Variants in KANK2 observed in about 807,000 individuals in gnomAD.
KANK2 encodes the protein KN motif and ankyrin repeat domains 2, also known as KN motif and ankyrin repeat domain-containing protein 2.
A neutral mutation model predicts 74.6 loss-of-function variants in KANK2; 41 were observed. That is an observed-to-expected ratio of 0.55 (90% CI 0.43 to 0.71). The LOEUF is 0.71. Ranked by LOEUF, KANK2 falls within the 30% of genes least tolerant of loss-of-function variation. KANK2 has a pLI of 0.00. For synonymous variants in KANK2, 537 were observed against 519.0 expected (o/e 1.03, Z -0.47); for missense variants, 1,148 against 1,196.4 (o/e 0.96, Z 0.60).
At chr19:11,192,794 C>CT (rs58206854) in intron 4 of KANK2, 37 bp downstream of exon 4, 1 of 1,593,678 alleles carries the variant, frequency 6.3e-7, no homozygotes, top group East Asian at 2.3e-5. Flanking sequence ...CCCCCCCCCC[C>CT]CAAGCCATTC....
At chr19:11,173,400 C>G (rs79911079) in intron 9 of KANK2, among the ~76,000 whole-genome samples, 1 of 152,276 alleles carries the variant, frequency 6.6e-6, no homozygotes, top group Non-Finnish European at 1.5e-5. Flanking sequence ...AATTTTGGAA[C>G]AGCCATTTAC....
rs74179970 is a variant in KANK2 at position 11,176,325 on chromosome 19, G to A, written c.1760+253C>T. 0.071 allele frequency among the ~76,000 whole-genome samples: 10,853 copies of A among 152,282 alleles called. 455 individuals are homozygous for A. The highest frequency in any genetic ancestry group is 0.092 in the Admixed American group (1,404 of 15,292). The stretch of plus-strand genomic sequence containing the variant: ...GTAGAGGAAACGTCCCAAAGTAGGT[G>A]GGTGATTTTGGGATAAACTTTGGCT... On this transcript the variant is annotated intron_variant, in intron 7 of 12. Transcript: ENST00000586659.
intron 4 of KANK2, 50 bp downstream of exon 4, chr19:11,192,781 A>AGG: frequency 2.0e-6 from 3 of 1,521,954 alleles, no homozygotes; most frequent in Non-Finnish European, 2.7e-6. Flanking sequence ...GGGAAGAAAG[A>AGG]GGCCCCCCCC....
chr19:11,191,568 G>A (rs1383256307), intron 4 of KANK2, among the ~76,000 whole-genome samples: 3 of 152,236 alleles, frequency 2.0e-5, no homozygotes, highest in Non-Finnish European at 4.4e-5. Context: ...CTCAGCAATG[G>A]GCACATGACC....
In KANK2 at chr19:11,193,100, A is replaced by G; in HGVS notation, c.980T>C (p.Val327Ala). The G allele has an allele frequency of 6.2e-7, 1 of 1,607,250 alleles. No individual in the cohort carries two copies. Among genetic ancestry groups the G allele is most frequent in the Non-Finnish European group, 8.5e-7 (1 of 1,176,758 alleles). Reference sequence around the variant, plus strand: ...CCCTTCTACCACCCGGACTGTATCCACGCGGACCGGGCTGTCCGGCGGTGG... The same window carrying G: ...CCCTTCTACCACCCGGACTGTATCCGCGCGGACCGGGCTGTCCGGCGGTGG... ...AWPPPDSPVR[V>A]DTVRVVEGPR... The change falls in exon 4 of 13, where the codon GTG becomes GCG. Residue 327 changes from valine (V) to alanine (A), a missense_variant. Val to Ala is a moderately conservative substitution (Grantham distance 64). Coordinates refer to ENST00000586659, the MANE Select transcript of KANK2 (RefSeq NM_001136191.3). The surrounding 1 kb of genome is among the most constrained non-coding windows in gnomAD (Gnocchi z 9.6).
intron 12 of KANK2, among the ~76,000 whole-genome samples, chr19:11,166,972 A>AAGGCC (rs377265569): frequency 6.6e-6 from 1 of 152,268 alleles, no homozygotes; most frequent in Non-Finnish European, 1.5e-5. Context: ...GTGTGGCAAT[A>AAGGCC]AGGCCAGTGT....
chr19:11,189,670 G>C (rs1359196794), intron 4 of KANK2, among the ~76,000 whole-genome samples: 1 of 148,948 alleles, frequency 6.7e-6, no homozygotes, highest in Non-Finnish European at 1.5e-5. Context: ...ATTCCAGCTT[G>C]GCTCAAGCAA....
intron 6 of KANK2, 105 bp from the exon 7 acceptor site, chr19:11,176,922 C>T (rs1466141769): frequency 7.5e-7 from 1 of 1,331,614 alleles, no homozygotes; most frequent in Non-Finnish European, 1.0e-6. Context: ...GCCTCAGCTT[C>T]CCCATCTGTT....
At position 11,193,917 on chromosome 19, in the gene KANK2, T is replaced by C. The variant is rs1425252757; in HGVS notation, c.163A>G (p.Lys55Glu). 3 of 1,613,820 alleles carry C rather than the reference T, an allele frequency of 1.9e-6. No individual in the cohort carries two copies. The highest frequency in any genetic ancestry group is 2.5e-6 in the Non-Finnish European group (3 of 1,179,984). Reference protein sequence around the residue: ...DFLKYVDDIEKGHTLRRVAVQ... With the variant: ...DFLKYVDDIEEGHTLRRVAVQ... ...GCCACGCGTCGCAGCGTGTGGCCCT[T>C]CTCGATGTCATCCACGTACTTGAGG... Residue 55 changes from lysine to glutamate, a missense_variant, in exon 4 of 13, where the codon AAG (lysine) becomes GAG (glutamate). Physicochemically the swap from Lys to Glu is moderately conservative, Grantham distance 56. Transcript: ENST00000586659. This position sits in a 1 kb window ranked among gnomAD's most constrained non-coding sequence, Gnocchi z 9.6.
chr19:11,192,824 C>G lies in KANK2; in HGVS notation c.1249+7G>C, dbSNP rs376344428. 6.2e-7 allele frequency: 1 copy of G among 1,602,250 alleles called. No individual in the cohort carries two copies. The highest frequency in any genetic ancestry group is 2.3e-5 in the East Asian group (1 of 43,950). On this transcript the variant is annotated splice_region_variant and intron_variant, in intron 4 of 12. Transcript: ENST00000586659. ...CCATTCTCCCCTGCCTGCCTGCGAC[C>G]GCTTACCTGCTGCTCCATCGCAGCT...
chr19:11,192,791 CCCCCAA>C, intron 4 of KANK2, 34 bp downstream of exon 4: 2 of 1,582,710 alleles, frequency 1.3e-6, no homozygotes, highest in Non-Finnish European at 1.7e-6. Context: ...AGGCCCCCCC[CCCCCAA>C]GCCATTCTCC....
chr19:11,190,319 G>A (rs2078805120), intron 4 of KANK2, among the ~76,000 whole-genome samples: 1 of 152,050 alleles, frequency 6.6e-6, no homozygotes, highest in Non-Finnish European at 1.5e-5. Context: ...GTAGTGACAG[G>A]GTTTCGCCAT....
chr19:11,181,833 A>G (rs1168539832), intron 4 of KANK2, among the ~76,000 whole-genome samples: 1 of 152,064 alleles, frequency 6.6e-6, no homozygotes, highest in African/African-American at 2.4e-5. Context: ...CAACAAATAC[A>G]AGAAAAAACA....
chr19:11,193,304 G>C lies in KANK2; in HGVS notation c.776C>G (p.Pro259Arg). Residue 259 changes from proline to arginine, a missense_variant, in exon 4 of 13, where the codon CCA (proline) becomes CGA (arginine). By Grantham distance (103) the Pro-to-Arg change is moderately radical (BLOSUM62 -2). Coordinates refer to ENST00000586659, the MANE Select transcript of KANK2 (RefSeq NM_001136191.3). This position sits in a 1 kb window ranked among gnomAD's most constrained non-coding sequence, Gnocchi z 9.6. ...CACACTCCGGGTCTCCAGTGCCACT[G>C]GGTCCTCTGGGGGATCGGGGAGGTC... Reference protein sequence around the residue: ...CLDLPDPPEDPVALETRSVGT... With the variant: ...CLDLPDPPEDRVALETRSVGT... The C allele has an allele frequency of 1.2e-6, 2 of 1,612,260 alleles. No individual in the cohort carries two copies. Among genetic ancestry groups the C allele is most frequent in the Non-Finnish European group, 1.7e-6 (2 of 1,179,898 alleles).
intron 8 of KANK2, among the ~76,000 whole-genome samples, chr19:11,174,944 T>C (rs2078289917): frequency 6.8e-6 from 1 of 147,930 alleles, no homozygotes; most frequent in Non-Finnish European, 1.5e-5. Context: ...CTGGATATAA[T>C]TTCTCTCTCT....
intron 9 of KANK2, among the ~76,000 whole-genome samples, chr19:11,173,889 T>C (rs915186076): frequency 1.3e-5 from 2 of 152,106 alleles, no homozygotes; most frequent in African/African-American, 2.4e-5. Context: ...GTCTCCTCTA[T>C]CAGACTGGGA....
intron 12 of KANK2, 29 bp from the exon 13 acceptor site, chr19:11,166,640 T>C: frequency 5.6e-6 from 9 of 1,611,332 alleles, no homozygotes; most frequent in Non-Finnish European, 7.6e-6. Flanking sequence ...ATTCTTTTTG[T>C]TTGGGATCCT....
rs2078418756 is a variant in KANK2 at position 11,178,566 on chromosome 19, C to T, written c.1404G>A (p.Glu468=). The T allele has an allele frequency of 6.2e-7, 1 of 1,603,616 alleles. No homozygotes were observed. The highest frequency in any genetic ancestry group is 1.3e-5 in the African/African-American group (1 of 74,082). The change falls in exon 5 of 13, where the codon GAG becomes GAA. Residue 468 remains glutamate, a synonymous_variant. Transcript: ENST00000586659. ...CCCACCACTTACCGGTGCCCCCGGC[C>T]TCCTCGGACTCTTGGGAGGCTGCTT... ...TRQAASQESE[E]AGGTGGPPAG...
At position 11,184,551 on chromosome 19, in the gene KANK2, C is replaced by T. The variant is rs1037330155; in HGVS notation, c.1250-5831G>A. On this transcript the variant is annotated intron_variant, in intron 4 of 12. Coordinates refer to ENST00000586659, the MANE Select transcript of KANK2 (RefSeq NM_001136191.3). ...TTTGGTTACGTCACACATAAGGACT[C>T]GGTTGCAACTGCTCAACTGTGGCAT... Among the ~76,000 whole-genome samples the T allele has an allele frequency of 2.0e-5, 3 of 149,784 alleles. 1 individual carries two copies. Among genetic ancestry groups the T allele is most frequent in the Non-Finnish European group, 4.5e-5 (3 of 67,252 alleles).
Sources: gnomAD v4.1 joint callset for allele counts (sites outside exome capture counted in the v4.1 genomes callset) on GRCh38, gnomAD v4.1.1 for gene constraint, Gnocchi (gnomAD v3.1) non-coding constraint, MANE v1.5 for transcripts, NCBI Gene and HGNC (gene_info 2026-07-23, HGNC 2026-07-21) for gene names.